RERE: variants seen among roughly 807,000 people sequenced by gnomAD.
The protein encoded by RERE is arginine-glutamic acid dipeptide repeats.
Under a neutral mutation model 146.1 loss-of-function variants are expected in RERE, and 40 were observed. The ratio of observed to expected loss-of-function variants is 0.27; its 90% CI spans 0.21 to 0.36. The LOEUF (loss-of-function observed/expected upper bound fraction) is 0.36, where lower values mean the gene tolerates loss of function less well. Ranked by LOEUF, RERE falls within the 10% of genes least tolerant of loss-of-function variation. The probability of loss-of-function intolerance (pLI) is 1.00; values close to 1 mark genes in which losing one functional copy is unlikely to be tolerated. For missense variants in RERE, 1,933 were observed against 2,138.7 expected, an observed-to-expected ratio of 0.90 and a Z score of 1.90; for synonymous variants, 1,003 against 866.0, an observed-to-expected ratio of 1.16 and a Z score of -2.78.
chr1:8,479,406 T>C (rs1452901217), intron 10 of RERE, among the ~76,000 whole-genome samples: 1 of 152,050 alleles, frequency 6.6e-6, no homozygotes, highest in Non-Finnish European at 1.5e-5. Flanking sequence ...CACCAGAAGA[T>C]ATACACATCA....
At chr1:8,586,134 T>C (rs1217919798) in intron 4 of RERE, among the ~76,000 whole-genome samples, 1 of 152,148 alleles carries the variant, frequency 6.6e-6, no homozygotes. Context: ...CTAGGTCAAA[T>C]GACTTGGAAT....
At chr1:8,596,672 C>CTTTT (rs3082096) in intron 4 of RERE, among the ~76,000 whole-genome samples, 10 of 137,802 alleles carry the variant, frequency 7.3e-5, no homozygotes, top group South Asian at 6.9e-4. Flanking sequence ...CCATGTCTGG[C>CTTTT]TTTTTTTTTT....
At position 8,600,082 on chromosome 1, in the gene RERE, G is replaced by A. The variant is rs776831388; in HGVS notation, c.522+14479C>T. On this transcript the variant is annotated intron_variant, in intron 4 of 22. Coordinates refer to ENST00000400908, the MANE Select transcript of RERE (RefSeq NM_001042681.2). ...ACACTGTTCTCATGGTAGAGAATACGTCTCACAACATCTGATGGTTTCATA... is the reference window on the plus strand; with the variant it reads ...ACACTGTTCTCATGGTAGAGAATACATCTCACAACATCTGATGGTTTCATA... 3.0e-4 allele frequency among the ~76,000 whole-genome samples: 46 copies of A among 152,298 alleles called. No homozygotes were observed. The South Asian group carries it at 3.5e-3, about 12-fold the overall frequency.
chr1:8,634,236 G>A (rs1024066830), intron 2 of RERE, among the ~76,000 whole-genome samples: 4 of 152,084 alleles, frequency 2.6e-5, no homozygotes, highest in Non-Finnish European at 5.9e-5. Flanking sequence ...GGACCCAAAT[G>A]CCACCAACTT....
At chr1:8,788,666 G>GT (rs34684190) in intron 1 of RERE, among the ~76,000 whole-genome samples, 109,589 of 144,586 alleles carry the variant, frequency 0.76, 41,471 homozygotes, top group East Asian at 0.92. Flanking sequence ...CCCAGCCAGT[G>GT]TTTTTTTTTT....
chr1:8,547,097 A>AC (rs1645873091), intron 6 of RERE, among the ~76,000 whole-genome samples: 1 of 151,778 alleles, frequency 6.6e-6, no homozygotes, highest in Non-Finnish European at 1.5e-5. Flanking sequence ...TAAAAAAAAA[A>AC]AAACAAAATA....
chr1:8,420,274 G>A (rs59336143), intron 12 of RERE, among the ~76,000 whole-genome samples: 2,293 of 152,240 alleles, frequency 0.015, 60 homozygotes, highest in African/African-American at 0.052. Flanking sequence ...GGGCAACAGA[G>A]TTAGATCTTG....
rs763440698 is a variant in RERE, at chr1:8,361,027, T to C, written c.2480A>G (p.Gln827Arg). Residue 827 changes from glutamine to arginine, a missense_variant, in exon 18 of 23, where the codon CAG (glutamine) becomes CGG (arginine). Physicochemically the swap from Gln to Arg is conservative, Grantham distance 43. Coordinates refer to ENST00000400908, the MANE Select transcript of RERE (RefSeq NM_001042681.2). Reference protein sequence around the residue: ...PPHPSPHPPLQPLTGSAGQPS... With the variant: ...PPHPSPHPPLRPLTGSAGQPS... ...CTGGCCCGCCGACCCAGTCAGAGGC[T>C]GCAGCGGGGGATGTGGCGAGGGATG... 1 of 1,431,282 alleles carries C rather than the reference T, an allele frequency of 7.0e-7. No individual in the cohort carries two copies. Among genetic ancestry groups the C allele is most frequent in the Non-Finnish European group, 9.1e-7 (1 of 1,098,256 alleles). The allele number at this position is 1,431,282 out of a possible 1,614,324, so 88.7% of individuals were successfully genotyped here.
At chr1:8,536,918 T>A (rs1645733884) in intron 7 of RERE, among the ~76,000 whole-genome samples, 1 of 152,116 alleles carries the variant, frequency 6.6e-6, no homozygotes, top group Non-Finnish European at 1.5e-5. Flanking sequence ...TAAGTTTTGT[T>A]CCCGCTGAGT....
intron 1 of RERE, among the ~76,000 whole-genome samples, chr1:8,783,479 T>C (rs948817374): frequency 2.6e-5 from 4 of 152,202 alleles, no homozygotes; most frequent in Non-Finnish European, 5.9e-5. Context: ...GCCTCCCACC[T>C]ATCTCATTAT....
intron 4 of RERE, among the ~76,000 whole-genome samples, chr1:8,565,601 G>A (rs576532295): frequency 6.6e-6 from 1 of 152,236 alleles, no homozygotes; most frequent in East Asian, 1.9e-4. Context: ...CAGCTACTCG[G>A]GAGGCTGAGT....
chr1:8,733,101 G>A (rs943480404), intron 1 of RERE, among the ~76,000 whole-genome samples: 6 of 152,002 alleles, frequency 3.9e-5, no homozygotes, highest in African/African-American at 1.4e-4. Context: ...GATTACAGGC[G>A]TGAGCCACCA....
chr1:8,431,285 C>T (rs1316484504), intron 11 of RERE, among the ~76,000 whole-genome samples: 2 of 152,138 alleles, frequency 1.3e-5, no homozygotes, highest in Admixed American at 6.5e-5. Flanking sequence ...ACATCAGCAG[C>T]GGCATTAGAT....
chr1:8,798,198 A>G (rs1013442356), intron 1 of RERE, among the ~76,000 whole-genome samples: 2 of 152,106 alleles, frequency 1.3e-5, no homozygotes, highest in African/African-American at 4.8e-5. Context: ...AGTTAGAGAC[A>G]AGCCTGGCCA....
intron 12 of RERE, 38 bp from the exon 13 acceptor site, chr1:8,366,012 G>C: frequency 6.2e-7 from 1 of 1,602,362 alleles, no homozygotes; most frequent in Non-Finnish European, 8.5e-7. Flanking sequence ...GGAGGGCCTG[G>C]GGCTTTTCCG....
intron 1 of RERE, among the ~76,000 whole-genome samples, chr1:8,787,585 T>C (rs1055454852): frequency 1.3e-5 from 2 of 151,920 alleles, no homozygotes; most frequent in Admixed American, 6.6e-5. Context: ...TCCCAGCACT[T>C]TGGGGGAGGC....
At position 8,783,665 on chromosome 1, in the gene RERE, A is replaced by T. The variant is rs76992094; in HGVS notation, c.-145+33495T>A. On this transcript the variant is annotated intron_variant, in intron 1 of 22. Transcript: ENST00000400908. The stretch of plus-strand genomic sequence containing the variant: ...CTAAACAGAAATTAAATTTTTTAAA[A>T]AAAGAAGAGAAAATGCAAATCACAT... 2.0e-3 allele frequency among the ~76,000 whole-genome samples: 305 copies of T among 152,316 alleles called. 7 individuals are homozygous for T. In the East Asian group the frequency reaches 0.039, roughly 19 times the overall value.
intron 2 of RERE, among the ~76,000 whole-genome samples, chr1:8,645,688 T>C (rs946187083): frequency 6.6e-6 from 1 of 152,218 alleles, no homozygotes; most frequent in African/African-American, 2.4e-5. Flanking sequence ...AGTACAGGTT[T>C]CATGATACTT....
chr1:8,508,491 G>GA (rs1011117150), intron 8 of RERE, 136 bp downstream of exon 8: 44 of 663,774 alleles, frequency 6.6e-5, no homozygotes, highest in Admixed American at 2.3e-4. Flanking sequence ...GAGGAGGGTG[G>GA]AAAAAAAACC....
Sources: gnomAD v4.1 joint callset for allele counts (sites outside exome capture counted in the v4.1 genomes callset) on GRCh38, gnomAD v4.1.1 for gene constraint, MANE v1.5 for transcripts, NCBI Gene and HGNC (gene_info 2026-07-23, HGNC 2026-07-21) for gene names.